LINGO2: variants seen among roughly 807,000 people sequenced by gnomAD.
LINGO2 encodes leucine-rich repeat and immunoglobulin-like domain-containing nogo receptor-interacting protein 2.
A neutral mutation model predicts 30.6 loss-of-function variants in LINGO2; 14 were observed. The ratio of observed to expected loss-of-function variants is 0.46; its 90% CI spans 0.30 to 0.72. The LOEUF (loss-of-function observed/expected upper bound fraction) is 0.72. Ranked by LOEUF, LINGO2 falls within the 30% of genes least tolerant of loss-of-function variation. The pLI is 0.07. For synonymous variants in LINGO2, 317 were observed against 288.5 expected (o/e 1.10, Z -1.00); for missense variants, 729 against 751.7 (o/e 0.97, Z 0.35).
intron 4 of LINGO2, among the ~76,000 whole-genome samples, chr9:28,097,642 A>G (rs1447354031): frequency 7.6e-6 from 1 of 132,004 alleles, no homozygotes; most frequent in Non-Finnish European, 1.6e-5. Context: ...CAATGAGATC[A>G]CATGGACACA....
chr9:28,427,872 T>C (rs1823478666), intron 2 of LINGO2, among the ~76,000 whole-genome samples: 1 of 152,150 alleles, frequency 6.6e-6, no homozygotes, highest in Admixed American at 6.6e-5. Context: ...TCGGCATAAC[T>C]GATAATATTA....
chr9:28,486,881 G>A (rs1262347832), intron 1 of LINGO2, among the ~76,000 whole-genome samples: 1 of 152,024 alleles, frequency 6.6e-6, no homozygotes, highest in African/African-American at 2.4e-5. Context: ...TCTTTTGTAG[G>A]ATGCTTGCAG....
At chr9:28,740,268 G>C in the LINGO2 span, among the ~76,000 whole-genome samples, 31 of 151,558 alleles carry the variant, frequency 2.0e-4, no homozygotes, top group Non-Finnish European at 4.3e-4. Flanking sequence ...GCTAGATCTA[G>C]TTTGTCTGTG....
the LINGO2 span, among the ~76,000 whole-genome samples, chr9:28,787,721 G>T: frequency 6.6e-6 from 1 of 152,080 alleles, no homozygotes; most frequent in African/African-American, 2.4e-5. Context: ...AATAATTTAA[G>T]TAATATTGAT....
At chr9:28,766,809 G>GGAGA in the LINGO2 span, among the ~76,000 whole-genome samples, 1 of 21,332 alleles carries the variant, frequency 4.7e-5, no homozygotes, top group East Asian at 3.2e-4. Context: ...AGAGAGGGAA[G>GGAGA]GAGAGAGAGA....
the LINGO2 span, among the ~76,000 whole-genome samples, chr9:28,797,227 G>A: frequency 6.7e-6 from 1 of 149,746 alleles, no homozygotes; most frequent in Admixed American, 6.7e-5. Context: ...TCTTTATACT[G>A]GCAATATATG....
At chr9:28,198,954 C>A (rs1011242078) in intron 4 of LINGO2, among the ~76,000 whole-genome samples, 1 of 152,122 alleles carries the variant, frequency 6.6e-6, no homozygotes, top group Non-Finnish European at 1.5e-5. Flanking sequence ...TCTGGCAATT[C>A]TTTTCATTGT....
At chr9:28,158,920 G>A (rs1374793179) in intron 4 of LINGO2, among the ~76,000 whole-genome samples, 1 of 152,174 alleles carries the variant, frequency 6.6e-6, no homozygotes, top group African/African-American at 2.4e-5. Context: ...TGAAAAACAT[G>A]GCTTTATTTA....
chr9:28,871,607 A>T, the LINGO2 span, among the ~76,000 whole-genome samples: 1 of 152,004 alleles, frequency 6.6e-6, no homozygotes, highest in East Asian at 1.9e-4. Flanking sequence ...CAGCTATACT[A>T]TAGTGTAACC....
At chr9:28,464,527 T>C (rs1825219588) in intron 2 of LINGO2, among the ~76,000 whole-genome samples, 1 of 152,214 alleles carries the variant, frequency 6.6e-6, no homozygotes, top group African/African-American at 2.4e-5. Context: ...AAACTAAAAA[T>C]GTTCCTGCTT....
intron 4 of LINGO2, among the ~76,000 whole-genome samples, chr9:28,215,575 T>C (rs1342270154): frequency 1.3e-5 from 2 of 151,808 alleles, no homozygotes; most frequent in African/African-American, 4.8e-5. Context: ...TATTGATTGG[T>C]TCAATTTAAT....
At chr9:28,937,272 C>T in the LINGO2 span, among the ~76,000 whole-genome samples, 2 of 152,090 alleles carry the variant, frequency 1.3e-5, no homozygotes, top group Admixed American at 6.6e-5. Context: ...TATCACATAT[C>T]GCGTATGGTA....
At chr9:28,808,695 T>C in the LINGO2 span, among the ~76,000 whole-genome samples, 1 of 152,262 alleles carries the variant, frequency 6.6e-6, no homozygotes, top group African/African-American at 2.4e-5. Context: ...TCCATCTTTT[T>C]AGCAATAATG....
the LINGO2 span, among the ~76,000 whole-genome samples, chr9:28,814,285 A>C: frequency 6.6e-6 from 1 of 151,772 alleles, no homozygotes; most frequent in Non-Finnish European, 1.5e-5. Flanking sequence ...AAAAATACAA[A>C]AATTAGCTGG....
At chr9:28,370,742 A>G (rs1367932775) in intron 3 of LINGO2, among the ~76,000 whole-genome samples, 1 of 152,200 alleles carries the variant, frequency 6.6e-6, no homozygotes, top group East Asian at 1.9e-4. Flanking sequence ...CCTCCATACC[A>G]ACCACCACTG....
At chr9:29,016,130 C>T in the LINGO2 span, among the ~76,000 whole-genome samples, 1 of 152,168 alleles carries the variant, frequency 6.6e-6, no homozygotes, top group African/African-American at 2.4e-5. Flanking sequence ...TAACCAGAAG[C>T]AAGCTCTTCT....
intron 1 of LINGO2, among the ~76,000 whole-genome samples, chr9:28,635,857 G>A (rs1050782671): frequency 5.3e-5 from 8 of 151,996 alleles, no homozygotes; most frequent in African/African-American, 1.9e-4. Context: ...AAGTTTTAGG[G>A]TACATGTGCA....
At chr9:29,108,251 T>A in the LINGO2 span, among the ~76,000 whole-genome samples, 1 of 152,166 alleles carries the variant, frequency 6.6e-6, no homozygotes, top group African/African-American at 2.4e-5. Context: ...GAGATACATC[T>A]CAGATTGGAA....
At chr9:29,063,306 C>T in the LINGO2 span, among the ~76,000 whole-genome samples, 1 of 152,004 alleles carries the variant, frequency 6.6e-6, no homozygotes, top group Admixed American at 6.6e-5. Flanking sequence ...AGACAGTGTA[C>T]TGTATGAATT....
Sources: gnomAD v4.1 joint callset for allele counts (sites outside exome capture counted in the v4.1 genomes callset) on GRCh38, gnomAD v4.1.1 for gene constraint, MANE v1.5 for transcripts, NCBI Gene and HGNC (gene_info 2026-07-23, HGNC 2026-07-21) for gene names.